CDH3: variants seen among roughly 807,000 people sequenced by gnomAD.
CDH3 encodes cadherin 3, also known as cadherin-3.
Under a neutral mutation model 82.0 loss-of-function variants are expected in CDH3, and 54 were observed. That is an observed-to-expected ratio of 0.66 (90% CI 0.53 to 0.83). CDH3 has a LOEUF of 0.83. Ranked by LOEUF, CDH3 falls within the 40% of genes least tolerant of loss-of-function variation. The pLI, the probability that CDH3 is intolerant of heterozygous loss-of-function variation, is 0.00. For missense variants in CDH3, 1,054 were observed against 1,084.6 expected (o/e 0.97, Z 0.40); for synonymous variants, 446 against 437.9 (o/e 1.02, Z -0.23).
Position 68,678,265 on chromosome 16 carries a change from G to C in CDH3, c.378G>C (p.Gln126His), listed in dbSNP as rs2152099903. 2 of 1,614,192 alleles carry C rather than the reference G, an allele frequency of 1.2e-6. No individual in the cohort carries two copies. Among genetic ancestry groups the C allele is most frequent in the African/African-American group, 1.3e-5 (1 of 75,052 alleles). The change falls in exon 4 of 16, where the codon CAG (glutamine) becomes CAC (histidine). Residue 126 changes from glutamine (Q) to histidine (H), a missense_variant. Gln to His is a conservative substitution (Grantham distance 24). Transcript: ENST00000264012. ...AAAATGGCAAGGGTCCCTTCCCCCA[G>C]AGACTGAATCAGGTACGACTGTGCC... ...VPENGKGPFP[Q>H]RLNQLKSNKD...
chr16:68,668,611 C>T (rs932872188), intron 2 of CDH3, among the ~76,000 whole-genome samples: 1 of 152,188 alleles, frequency 6.6e-6, no homozygotes, highest in African/African-American at 2.4e-5. Flanking sequence ...CTTCTGCTTC[C>T]TCTGGTAAAC....
chr16:68,683,946 A>C (rs1001970892), intron 9 of CDH3, among the ~76,000 whole-genome samples: 1 of 151,624 alleles, frequency 6.6e-6, no homozygotes, highest in Non-Finnish European at 1.5e-5. Flanking sequence ...ACATGCCTGT[A>C]GTCCCAGCTA....
intron 1 of CDH3, chr16:68,722,408 C>T (rs754338223): frequency 6.6e-6 from 1 of 152,172 alleles, no homozygotes; most frequent in Non-Finnish European, 1.5e-5. Context: ...TCATTGGAAC[C>T]CTTGTCCTTT....
At chr16:68,663,570 T>G (rs930912487) in intron 2 of CDH3, among the ~76,000 whole-genome samples, 1 of 152,090 alleles carries the variant, frequency 6.6e-6, no homozygotes, top group East Asian at 1.9e-4. Context: ...AAATGTACTA[T>G]GCTGTTGCAT....
downstream of CDH3, among the ~76,000 whole-genome samples, chr16:68,730,683 G>T (rs1389605638): frequency 3.3e-5 from 5 of 152,098 alleles, no homozygotes; most frequent in Non-Finnish European, 7.4e-5. Flanking sequence ...CAGATATGCA[G>T]ACTGAGATAT....
chr16:68,700,839 G>A (rs1961883508), downstream of CDH3, among the ~76,000 whole-genome samples: 1 of 152,152 alleles, frequency 6.6e-6, no homozygotes, highest in South Asian at 2.1e-4. Flanking sequence ...AGGCGACAGA[G>A]TGAGACCCTA....
intron 11 of CDH3, among the ~76,000 whole-genome samples, chr16:68,685,600 G>T (rs756819146): frequency 1.3e-5 from 2 of 152,188 alleles, no homozygotes; most frequent in African/African-American, 4.8e-5. Flanking sequence ...GAGGTCGGGG[G>T]TTCGAGACCA....
intron 2 of CDH3, chr16:68,646,210 TC>T (rs1031996485): frequency 1.1e-5 from 2 of 173,946 alleles, no homozygotes; most frequent in African/African-American, 4.8e-5. Context: ...CTGTTTCTTT[TC>T]TCCGAGCTTC....
At position 68,682,481 on chromosome 16, in the gene CDH3, C is replaced by G. The variant is rs750338575; in HGVS notation, c.1176C>G (p.Thr392=). ...HPESNQGILT[T]RKGLDFEAKN... ...AGAGCAACCAGGGCATCCTGACAACCAGGAAGGTGAGTCAGTTCGGGCCTC... is the reference window on the plus strand; with the variant it reads ...AGAGCAACCAGGGCATCCTGACAACGAGGAAGGTGAGTCAGTTCGGGCCTC... Residue 392 remains threonine (T), a synonymous_variant, in exon 9 of 16, where the codon ACC becomes ACG. Transcript: ENST00000264012. 6.2e-7 allele frequency: 1 copy of G among 1,614,108 alleles called. No homozygotes were observed. The highest frequency in any genetic ancestry group is 1.7e-5 in the Admixed American group (1 of 60,026).
intron 15 of CDH3, among the ~76,000 whole-genome samples, chr16:68,697,485 C>G (rs541740876): frequency 6.6e-6 from 1 of 152,138 alleles, no homozygotes; most frequent in African/African-American, 2.4e-5. Flanking sequence ...AAGGATTGAA[C>G]GAGCAGGCAG....
chr16:68,691,980 A>T, intron 13 of CDH3, 54 bp downstream of exon 13: 1 of 1,444,672 alleles, frequency 6.9e-7, no homozygotes, highest in Non-Finnish European at 9.7e-7. Context: ...GAAAGACTGG[A>T]TTCTACCTTG....
Position 68,698,606 on chromosome 16 carries a change from T to C in CDH3, c.*206T>C. 1 of 592,302 alleles carries C rather than the reference T, an allele frequency of 1.7e-6. No homozygotes were observed. The highest frequency in any genetic ancestry group is 3.0e-6 in the Non-Finnish European group (1 of 333,564). The allele number at this position is 592,302 out of a possible 1,614,324, so 36.7% of individuals were successfully genotyped here. A position where few individuals can be genotyped will look rare whatever the true frequency, so the allele number is the denominator to read the frequency against. On this transcript the variant is annotated 3_prime_UTR_variant, in exon 16 of 16. Transcript: ENST00000264012. ...AATGTGGGCAGTTTGACTTCAGCAC[T>C]GAAAACCTCTCCACCTGGGCCAGGG...
At chr16:68,663,534 G>A (rs1567441565) in intron 2 of CDH3, among the ~76,000 whole-genome samples, 1 of 151,804 alleles carries the variant, frequency 6.6e-6, no homozygotes, top group Admixed American at 6.6e-5. Context: ...ACGCCTGGCC[G>A]AAAGTGACCT....
rs747313410 is a variant in CDH3, at chr16:68,687,684, C to T, written c.1743C>T (p.Ala581=). Reference sequence around the variant, plus strand: ...CTCCCCACACCTCCCCTTTCCAGGCCCAGCTCACAGATGACTCAGACATCT... The same window carrying T: ...CTCCCCACACCTCCCCTTTCCAGGCTCAGCTCACAGATGACTCAGACATCT... ...DLSPHTSPFQ[A]QLTDDSDIYW... is the part of the protein sequence containing the mutation. The change falls in exon 12 of 16, where the codon GCC becomes GCT. Residue 581 remains alanine (A), a synonymous_variant. Coordinates refer to ENST00000264012, the MANE Select transcript of CDH3 (RefSeq NM_001793.6). 19 of 1,613,940 alleles carry T rather than the reference C, an allele frequency of 1.2e-5. No homozygotes were observed.
chr16:68,685,171 T>G, intron 10 of CDH3, 34 bp from the exon 11 acceptor site: 2 of 1,612,598 alleles, frequency 1.2e-6, no homozygotes, highest in Non-Finnish European at 1.7e-6. Context: ...TTCTAAATAT[T>G]CTGGATGTAC....
chr16:68,660,811 T>A (rs957418901), intron 2 of CDH3, among the ~76,000 whole-genome samples: 2 of 151,820 alleles, frequency 1.3e-5, no homozygotes, highest in Non-Finnish European at 2.9e-5. Context: ...CACAAAAAAT[T>A]AGCCGGGCGT....
chr16:68,731,537 CACATAT>C (rs752336702), downstream of CDH3, among the ~76,000 whole-genome samples: 297 of 50,232 alleles, frequency 5.9e-3, 7 homozygotes, highest in South Asian at 8.0e-3. Flanking sequence ...CACACACACA[CACATAT>C]ATATATATAC....
At chr16:68,710,776 C>T (rs979181610) in intron 1 of CDH3, among the ~76,000 whole-genome samples, 1 of 150,906 alleles carries the variant, frequency 6.6e-6, no homozygotes, top group African/African-American at 2.4e-5. Flanking sequence ...ACCCAGGAGG[C>T]AGAGGTTGCA....
At chr16:68,648,969 CTCAAGAGGAAAGGTTAA>C (rs1436204111) in intron 2 of CDH3, among the ~76,000 whole-genome samples, 9 of 151,534 alleles carry the variant, frequency 5.9e-5, no homozygotes, top group Admixed American at 5.9e-4. Flanking sequence ...TCTTGACTAG[CTCAAGAGGAAAGGTTAA>C]TCTGGAGGGA....
Sources: allele counts gnomAD v4.1 joint callset (sites outside exome capture counted in the v4.1 genomes callset), GRCh38; gene constraint gnomAD v4.1.1; transcripts MANE v1.5; gene names NCBI Gene and HGNC (gene_info 2026-07-23, HGNC 2026-07-21).